Variants in CNTN6 observed in about 807,000 individuals in gnomAD.
CNTN6 encodes the protein contactin 6.
In CNTN6, 137 loss-of-function variants were observed where a neutral mutation model predicts 122.8. That is an observed-to-expected ratio of 1.12 (90% CI 0.97 to 1.29). The LOEUF is 1.29. Ranked by LOEUF, CNTN6 falls within the 50% of genes most tolerant of loss-of-function variation. CNTN6 has a pLI of 0.00. For missense variants in CNTN6, 1,634 were observed against 1,223.4 expected, an observed-to-expected ratio of 1.34 and a Z score of -5.01; for synonymous variants, 570 against 426.0, an observed-to-expected ratio of 1.34 and a Z score of -4.16.
At chr3:1,348,160 A>AAAAAAAAAAAAAAAAAAAAAAAAAAAC (rs1705049776) in intron 11 of CNTN6, among the ~76,000 whole-genome samples, 1 of 147,402 alleles carries the variant, frequency 6.8e-6, no homozygotes, top group Non-Finnish European at 1.5e-5. Context: ...CTATAGACAA[A>AAAAAAAAAAAAAAAAAAAAAAAAAAAC]AAAAAAAAAA....
In CNTN6 at chr3:1,141,505, C is replaced by A. The variant is rs546708453; in HGVS notation, c.-82-6422C>A. 2.6e-5 allele frequency among the ~76,000 whole-genome samples: 4 copies of A among 152,290 alleles called. No individual in the cohort carries two copies. The East Asian group carries it at 7.7e-4, about 29-fold the overall frequency. Reference sequence around the variant, plus strand: ...GTAATATTCCTCCTTGACCATTCTACTGCCCTGTACTTGAACAGCAATAAC... The same window carrying A: ...GTAATATTCCTCCTTGACCATTCTAATGCCCTGTACTTGAACAGCAATAAC... On this transcript the variant is annotated intron_variant, in intron 1 of 22. Coordinates refer to ENST00000446702, the MANE Select transcript of CNTN6 (RefSeq NM_001289080.2).
chr3:1,333,070 ATGTATGTG>A (rs1702544279), intron 11 of CNTN6, among the ~76,000 whole-genome samples: 1 of 152,048 alleles, frequency 6.6e-6, no homozygotes, highest in Admixed American at 6.6e-5. Context: ...TTGATTGAGT[ATGTATGTG>A]TGTATTTGTG....
chr3:1,377,125 C>T, intron 17 of CNTN6, 50 bp downstream of exon 17: 1 of 1,282,090 alleles, frequency 7.8e-7, no homozygotes, highest in Non-Finnish European at 1.1e-6. Flanking sequence ...ATTTAACTGG[C>T]CAGAAAGAAA....
chr3:1,274,643 G>T (rs1351619025), intron 4 of CNTN6, among the ~76,000 whole-genome samples: 1 of 152,200 alleles, frequency 6.6e-6, no homozygotes, highest in African/African-American at 2.4e-5. Context: ...GTAGTTAGCA[G>T]AGATAAACTG....
intron 17 of CNTN6, among the ~76,000 whole-genome samples, chr3:1,380,294 A>G (rs1422512637): frequency 6.6e-6 from 1 of 152,198 alleles, no homozygotes; most frequent in Non-Finnish European, 1.5e-5. Context: ...CCTGAACTGA[A>G]CTAAATATCT....
chr3:1,371,077 T>A (rs1424107297), intron 12 of CNTN6, among the ~76,000 whole-genome samples: 1 of 152,094 alleles, frequency 6.6e-6, no homozygotes, highest in Non-Finnish European at 1.5e-5. Flanking sequence ...TCTAAATATT[T>A]ATGAATGAAG....
chr3:1,372,569 C>A, intron 13 of CNTN6, 95 bp downstream of exon 13: 1 of 1,040,534 alleles, frequency 9.6e-7, no homozygotes, highest in Non-Finnish European at 1.4e-6. Context: ...TCTTTATTTG[C>A]ATGGATAATC....
intron 12 of CNTN6, among the ~76,000 whole-genome samples, chr3:1,367,807 T>G (rs1276022621): frequency 6.6e-6 from 1 of 151,900 alleles, no homozygotes; most frequent in Non-Finnish European, 1.5e-5. Context: ...GAGATAATGG[T>G]GGTAGCAGCC....
chr3:1,155,867 A>G (rs535874307), intron 2 of CNTN6, among the ~76,000 whole-genome samples: 16 of 152,332 alleles, frequency 1.1e-4, no homozygotes, highest in African/African-American at 3.6e-4. Flanking sequence ...CCTTTCCAAG[A>G]CTTAGCTTAT....
intron 2 of CNTN6, among the ~76,000 whole-genome samples, chr3:1,215,413 G>A (rs1312125121): frequency 6.6e-6 from 1 of 152,116 alleles, no homozygotes; most frequent in Non-Finnish European, 1.5e-5. Context: ...GTGACTTTCA[G>A]TGGGTATCTG....
At chr3:1,183,503 A>G (rs1053729227) in intron 2 of CNTN6, among the ~76,000 whole-genome samples, 3 of 152,058 alleles carry the variant, frequency 2.0e-5, no homozygotes, top group African/African-American at 4.8e-5. Context: ...CCAGTATTCA[A>G]TTGATTGCAC....
intron 1 of CNTN6, among the ~76,000 whole-genome samples, chr3:1,094,193 TTTG>T (rs2090394672): frequency 6.6e-6 from 1 of 152,226 alleles, no homozygotes; most frequent in Non-Finnish European, 1.5e-5. Flanking sequence ...TCTTTTTATT[TTTG>T]TTGTTGAAGG....
At chr3:1,236,248 C>T (rs564881889) in intron 4 of CNTN6, among the ~76,000 whole-genome samples, 8 of 152,106 alleles carry the variant, frequency 5.3e-5, no homozygotes, top group Admixed American at 3.9e-4. Context: ...GATGCACTCC[C>T]GAAGCGCCAT....
At chr3:1,259,205 A>T (rs1250155803) in intron 4 of CNTN6, among the ~76,000 whole-genome samples, 1 of 152,118 alleles carries the variant, frequency 6.6e-6, no homozygotes, top group Non-Finnish European at 1.5e-5. Context: ...ATTTACTAAA[A>T]CTAAAGTGTG....
intron 1 of CNTN6, among the ~76,000 whole-genome samples, chr3:1,140,564 G>T (rs72997890): frequency 4.7e-4 from 72 of 152,194 alleles, no homozygotes; most frequent in Non-Finnish European, 7.8e-4. Context: ...GAAATTCACT[G>T]AAAGTATGAT....
chr3:1,372,244 A>T, intron 12 of CNTN6, 55 bp from the exon 13 acceptor site: 1 of 1,366,678 alleles, frequency 7.3e-7, no homozygotes, highest in Non-Finnish European at 1.0e-6. Flanking sequence ...TATGTATTTT[A>T]TAACCATAGG....
intron 1 of CNTN6, among the ~76,000 whole-genome samples, chr3:1,146,272 C>T (rs1423663866): frequency 6.6e-6 from 1 of 152,122 alleles, no homozygotes; most frequent in Non-Finnish European, 1.5e-5. Context: ...TTTCTCCAAC[C>T]TTGTCTCATG....
intron 4 of CNTN6, among the ~76,000 whole-genome samples, chr3:1,254,481 T>C (rs1235185731): frequency 6.6e-6 from 1 of 152,202 alleles, no homozygotes; most frequent in South Asian, 2.1e-4. Flanking sequence ...TCAGGAACAA[T>C]ACACTATAAA....
chr3:1,321,662 T>C lies in CNTN6; in HGVS notation c.774T>C (p.Asp258=), dbSNP rs1387457827. Residue 258 remains aspartate (D), a synonymous_variant, in exon 8 of 23, where the codon GAT becomes GAC. Transcript: ENST00000446702. ...TGTAACTGTTTAGTCCAGTCCCCGATATTAGTTGGAGAAGGTTGGACGGGA... is the reference window on the plus strand; with the variant it reads ...TGTAACTGTTTAGTCCAGTCCCCGACATTAGTTGGAGAAGGTTGGACGGGA... ...ECFALGNPVP[D]ISWRRLDGSP... 5 of 1,611,062 alleles carry C rather than the reference T, an allele frequency of 3.1e-6. No homozygotes were observed. In the Admixed American group the frequency reaches 5.0e-5, roughly 16 times the overall value.
Sources: allele counts gnomAD v4.1 joint callset (sites outside exome capture counted in the v4.1 genomes callset), GRCh38; gene constraint gnomAD v4.1.1; transcripts MANE v1.5; gene names NCBI Gene and HGNC (gene_info 2026-07-23, HGNC 2026-07-21).